GDF11: variants seen among roughly 807,000 people sequenced by gnomAD.
GDF11 encodes the protein growth differentiation factor 11.
Under a neutral mutation model 34.4 loss-of-function variants are expected in GDF11, and 12 were observed. The ratio of observed to expected loss-of-function variants is 0.35; its 90% CI spans 0.22 to 0.57. The LOEUF (loss-of-function observed/expected upper bound fraction) is 0.57. Among genes scored for constraint, GDF11 ranks in the 20% least tolerant of loss-of-function variants. GDF11 has a pLI of 0.86. For synonymous variants in GDF11, 212 were observed against 231.1 expected (o/e 0.92, Z 0.75); for missense variants, 346 against 548.2 (o/e 0.63, Z 3.68).
chr12:55,743,934 T>TG (rs940347612), intron 1 of GDF11, among the ~76,000 whole-genome samples, 173 bp downstream of exon 1: 13 of 152,154 alleles, frequency 8.5e-5, no homozygotes, highest in African/African-American at 2.9e-4. Flanking sequence ...GCGGTGGAGA[T>TG]GGGCTGCAAA....
Position 55,743,445 on chromosome 12 carries a change from CG to C in GDF11, c.136del (p.Glu46SerfsTer31), listed in dbSNP as rs1412840296. The C allele has an allele frequency of 3.3e-5, 40 of 1,211,978 alleles. No individual in the cohort carries two copies. Among genetic ancestry groups the C allele is most frequent in the East Asian group, 6.8e-5 (2 of 29,322 alleles). 75.1% of individuals were successfully genotyped at this position (1,211,978 alleles called of 1,614,324 possible). On this transcript the variant is annotated frameshift_variant, in exon 1 of 3. Transcript: ENST00000257868. LOFTEE classifies it high-confidence loss of function. ...AAAAAAAAGV[G>X]GERSSRPAPS... Reference sequence around the variant, plus strand: ...CGGCGGCGGCGGCAGCGGCGGGGGTCGGGGGGGAGCGCTCCAGCCGGCCAGC... The same window carrying C: ...CGGCGGCGGCGGCAGCGGCGGGGGTCGGGGGGAGCGCTCCAGCCGGCCAGC...
At position 55,749,128 on chromosome 12, in the gene GDF11, G is replaced by A. The variant is rs917290292; in HGVS notation, c.843+145G>A. The A allele has an allele frequency of 7.3e-6, 6 of 824,894 alleles. No individual in the cohort carries two copies. Among genetic ancestry groups the A allele is most frequent in the African/African-American group, 6.9e-5 (4 of 58,030 alleles). 51.1% of individuals were successfully genotyped at this position (824,894 alleles called of 1,614,324 possible). ...GTCAGCAGCTGATTCTAGAGGAGGAGGTGAGGAGTGGGGTGGCAACTATTA... is the reference window on the plus strand; with the variant it reads ...GTCAGCAGCTGATTCTAGAGGAGGAAGTGAGGAGTGGGGTGGCAACTATTA... On this transcript the variant is annotated intron_variant, in intron 2 of 2. Coordinates refer to ENST00000257868, the MANE Select transcript of GDF11 (RefSeq NM_005811.5). This position sits in a 1 kb window ranked among gnomAD's most constrained non-coding sequence, Gnocchi z 5.6.
rs76805779 is a variant in GDF11 at position 55,754,766 on chromosome 12, C to G, written c.*4884C>G. 1.3e-5 allele frequency: 2 copies of G among 152,338 alleles called. No individual in the cohort carries two copies. Among genetic ancestry groups the G allele is most frequent in the African/African-American group, 4.8e-5 (2 of 41,576 alleles). The allele number at this position is 152,338 out of a possible 1,614,324, so 9.4% of individuals were successfully genotyped here. A position where few individuals can be genotyped will look rare whatever the true frequency, so the allele number is the denominator to read the frequency against. On this transcript the variant is annotated 3_prime_UTR_variant, in exon 3 of 3. Transcript: ENST00000257868. ...ATATGAGAATATCACTTAATTCACACAGCAACCTTCACAATGGGGTTCCTT... is the reference window on the plus strand; with the variant it reads ...ATATGAGAATATCACTTAATTCACAGAGCAACCTTCACAATGGGGTTCCTT...
rs1383438521 is a variant in GDF11, at chr12:55,754,738, A to C, written c.*4856A>C. The C allele has an allele frequency of 6.6e-6, 1 of 152,274 alleles. No homozygotes were observed. The highest frequency in any genetic ancestry group is 1.9e-4 in the East Asian group (1 of 5,206). The allele number at this position is 152,274 out of a possible 1,614,324, so 9.4% of individuals were successfully genotyped here. A position where few individuals can be genotyped will look rare whatever the true frequency, so the allele number is the denominator to read the frequency against. On this transcript the variant is annotated 3_prime_UTR_variant, in exon 3 of 3. Transcript: ENST00000257868. ...GGTAAGCAAATTGTAGTGTGAATAC[A>C]TGATATGAGAATATCACTTAATTCA... is the stretch of plus-strand genomic sequence containing the variant.
rs548916582 is a variant in GDF11 at position 55,748,340 on chromosome 12, G to T, written c.446-246G>T. Among the ~76,000 whole-genome samples, 46 of 152,210 alleles carry T rather than the reference G, an allele frequency of 3.0e-4. 1 individual carries two copies. Among genetic ancestry groups the T allele is most frequent in the Non-Finnish European group, 5.0e-4 (34 of 68,040 alleles). ...ATTTTGCAGGTTATCTGGTAGACAG[G>T]AACCTATATATTAGGGCAAATGGAT... On this transcript the variant is annotated intron_variant, in intron 1 of 2. Coordinates refer to ENST00000257868, the MANE Select transcript of GDF11 (RefSeq NM_005811.5). This position sits in a 1 kb window ranked among gnomAD's most constrained non-coding sequence, Gnocchi z 5.6.
intron 1 of GDF11, among the ~76,000 whole-genome samples, chr12:55,746,069 C>T (rs1383528357): frequency 6.6e-6 from 1 of 152,142 alleles, no homozygotes; most frequent in Non-Finnish European, 1.5e-5. Context: ...CTCTCTCTCC[C>T]ACCAGCGCCG....
rs942264090 is a variant in GDF11, at chr12:55,756,601, T to C, written c.*6719T>C. 2 of 152,208 alleles carry C rather than the reference T, an allele frequency of 1.3e-5. No homozygotes were observed. Among genetic ancestry groups the C allele is most frequent in the African/African-American group, 2.4e-5 (1 of 41,454 alleles). 9.4% of individuals were successfully genotyped at this position (152,208 alleles called of 1,614,324 possible). ...ATAGCTCAAACAAAAACCGAGCTTATATAAAGATTAAGAGGAGAAATTCTG... is the reference window on the plus strand; with the variant it reads ...ATAGCTCAAACAAAAACCGAGCTTACATAAAGATTAAGAGGAGAAATTCTG... On this transcript the variant is annotated 3_prime_UTR_variant, in exon 3 of 3. Transcript: ENST00000257868.
At position 55,749,278 on chromosome 12, in the gene GDF11, G is replaced by A. The variant is rs1041791498; in HGVS notation, c.844-224G>A. Among the ~76,000 whole-genome samples, 3 of 152,180 alleles carry A rather than the reference G, an allele frequency of 2.0e-5. No individual in the cohort carries two copies. Among genetic ancestry groups the A allele is most frequent in the Non-Finnish European group, 4.4e-5 (3 of 68,024 alleles). ...AGGCGTTGGGCCAAGGGGCTGACAG[G>A]GATCAGGTTGCCAGAAGAGTAAGAA... On this transcript the variant is annotated intron_variant, in intron 2 of 2. Transcript: ENST00000257868. The surrounding 1 kb of genome is among the most constrained non-coding windows in gnomAD (Gnocchi z 5.6).
At position 55,748,755 on chromosome 12, in the gene GDF11, G is replaced by A. The variant is rs35185121; in HGVS notation, c.615G>A (p.Gly205=). 1.2e-3 allele frequency: 1,960 copies of A among 1,614,266 alleles called. 8 individuals are homozygous for A. Among genetic ancestry groups the A allele is most frequent in the Non-Finnish European group, 9.6e-4 (1,131 of 1,180,054 alleles). The change falls in exon 2 of 3, where the codon GGG becomes GGA. Residue 205 remains glycine (G), a synonymous_variant. Transcript: ENST00000257868. The surrounding 1 kb of genome is among the most constrained non-coding windows in gnomAD (Gnocchi z 5.6). Reference sequence around the variant, plus strand: ...TCTTGCGACTAAAACCCCTAACTGGGGAAGGGACCGCAGGGGGAGGGGGCG... The same window carrying A: ...TCTTGCGACTAAAACCCCTAACTGGAGAAGGGACCGCAGGGGGAGGGGGCG... ...LQILRLKPLT[G]EGTAGGGGGG...
In GDF11 at chr12:55,748,267, C is replaced by CT. The variant is rs896089981; in HGVS notation, c.446-317dup. On this transcript the variant is annotated intron_variant, in intron 1 of 2. Coordinates refer to ENST00000257868, the MANE Select transcript of GDF11 (RefSeq NM_005811.5). This position sits in a 1 kb window ranked among gnomAD's most constrained non-coding sequence, Gnocchi z 5.6. ...TCAAAGATTCAGAAAATGTTGGAGC[C>CT]TTATATGCTGGGAAAAGTTGGACAG... is the stretch of plus-strand genomic sequence containing the variant. Among the ~76,000 whole-genome samples, 9 of 152,198 alleles carry CT rather than the reference C, an allele frequency of 5.9e-5. No individual in the cohort carries two copies. The highest frequency in any genetic ancestry group is 5.9e-4 in the Admixed American group (9 of 15,290).
In GDF11 at chr12:55,748,264, A is replaced by T. The variant is rs551824069; in HGVS notation, c.446-322A>T. 6.6e-6 allele frequency among the ~76,000 whole-genome samples: 1 copy of T among 152,190 alleles called. No homozygotes were observed. The highest frequency in any genetic ancestry group is 1.5e-5 in the Non-Finnish European group (1 of 68,030). ...GCTTCAAAGATTCAGAAAATGTTGG[A>T]GCCTTATATGCTGGGAAAAGTTGGA... On this transcript the variant is annotated intron_variant, in intron 1 of 2. Coordinates refer to ENST00000257868, the MANE Select transcript of GDF11 (RefSeq NM_005811.5). This position sits in a 1 kb window ranked among gnomAD's most constrained non-coding sequence, Gnocchi z 5.6.
In GDF11 at chr12:55,748,113, CATCT is replaced by C. The variant is rs1878222049; in HGVS notation, c.446-472_446-469del. Among the ~76,000 whole-genome samples the C allele has an allele frequency of 1.3e-5, 2 of 152,202 alleles. No individual in the cohort carries two copies. The highest frequency in any genetic ancestry group is 2.9e-5 in the Non-Finnish European group (2 of 68,036). ...CCCTGGGTTATCCCCTCTCTGAGGC[CATCT>C]GTGTTATTTTGTGGGGGAGGGATGT... is the stretch of plus-strand genomic sequence containing the variant. On this transcript the variant is annotated intron_variant, in intron 1 of 2. Transcript: ENST00000257868. The surrounding 1 kb of genome is among the most constrained non-coding windows in gnomAD (Gnocchi z 5.6).
At chr12:55,743,908 C>A in intron 1 of GDF11, 147 bp downstream of exon 1, 1 of 645,300 alleles carries the variant, frequency 1.5e-6, no homozygotes, top group South Asian at 2.1e-5. Context: ...GGGGCTACTT[C>A]ATAGAAGTTT....
rs1184704298 is a variant in GDF11, at chr12:55,756,562, T to C, written c.*6680T>C. The C allele has an allele frequency of 6.6e-6, 1 of 152,126 alleles. No homozygotes were observed. Among genetic ancestry groups the C allele is most frequent in the East Asian group, 1.9e-4 (1 of 5,194 alleles). 9.4% of individuals were successfully genotyped at this position (152,126 alleles called of 1,614,324 possible). On this transcript the variant is annotated 3_prime_UTR_variant, in exon 3 of 3. Transcript: ENST00000257868. ...TCAGGTAAGGTGTCAGGCTCCTAAG[T>C]CTTATTACCAAAAATAGCTCAAACA...
At position 55,752,236 on chromosome 12, in the gene GDF11, C is replaced by T. The variant is rs1878344574; in HGVS notation, c.*2354C>T. 1 of 152,214 alleles carries T rather than the reference C, an allele frequency of 6.6e-6. No individual in the cohort carries two copies. The highest frequency in any genetic ancestry group is 1.5e-5 in the Non-Finnish European group (1 of 68,040). The allele number at this position is 152,214 out of a possible 1,614,324, so 9.4% of individuals were successfully genotyped here. Reference sequence around the variant, plus strand: ...CCTCCAAGGTCAAATGCCTCGTGATCTTGGCAGAGTAGGGATTGGGCAATA... The same window carrying T: ...CCTCCAAGGTCAAATGCCTCGTGATTTTGGCAGAGTAGGGATTGGGCAATA... On this transcript the variant is annotated 3_prime_UTR_variant, in exon 3 of 3. Coordinates refer to ENST00000257868, the MANE Select transcript of GDF11 (RefSeq NM_005811.5).
Position 55,749,856 on chromosome 12 carries a change from G to A in GDF11, c.1198G>A (p.Val400Met). Residue 400 changes from valine to methionine, a missense_variant, in exon 3 of 3, where the codon GTG becomes ATG. Physicochemically the swap from Val to Met is conservative, Grantham distance 21 (BLOSUM62 1). Transcript: ENST00000257868. This position sits in a 1 kb window ranked among gnomAD's most constrained non-coding sequence, Gnocchi z 5.6. ...TATCTACGGCAAGATCCCTGGCATG[G>A]TGGTGGATCGCTGTGGCTGCTCTTA... ...QIIYGKIPGM[V>M]VDRCGCS 1.2e-6 allele frequency: 2 copies of A among 1,613,858 alleles called. No homozygotes were observed. Among genetic ancestry groups the A allele is most frequent in the Non-Finnish European group, 1.7e-6 (2 of 1,179,826 alleles).
At position 55,749,329 on chromosome 12, in the gene GDF11, C is replaced by A. The variant is rs1176119902; in HGVS notation, c.844-173C>A. Among the ~76,000 whole-genome samples, 1 of 152,118 alleles carries A rather than the reference C, an allele frequency of 6.6e-6. No individual in the cohort carries two copies. The highest frequency in any genetic ancestry group is 2.4e-5 in the African/African-American group (1 of 41,404). ...TTAGAGATGGTGAGTTGAAGGAGAG[C>A]TAGCTAGCTGGCAAGAAAAGTGGGC... On this transcript the variant is annotated intron_variant, in intron 2 of 2. Transcript: ENST00000257868. The surrounding 1 kb of genome is among the most constrained non-coding windows in gnomAD (Gnocchi z 5.6).
In GDF11 at chr12:55,750,802, T is replaced by C. The variant is rs1878295502; in HGVS notation, c.*920T>C. The C allele has an allele frequency of 6.6e-6, 1 of 152,148 alleles. No individual in the cohort carries two copies. Among genetic ancestry groups the C allele is most frequent in the Admixed American group, 6.5e-5 (1 of 15,286 alleles). 9.4% of individuals were successfully genotyped at this position (152,148 alleles called of 1,614,324 possible). On this transcript the variant is annotated 3_prime_UTR_variant, in exon 3 of 3. Transcript: ENST00000257868. ...GAGAACCCTCAACATCCAGGATCTA[T>C]ATAATGAGAGCTACTTTAAACCCTC...
Position 55,748,973 on chromosome 12 carries a change from C to A in GDF11, c.833C>A (p.Ala278Asp). 6.3e-7 allele frequency: 1 copy of A among 1,597,316 alleles called. No homozygotes were observed. The highest frequency in any genetic ancestry group is 8.5e-7 in the Non-Finnish European group (1 of 1,178,528). The part of the protein sequence containing the change: ...DLAVTSLGPG[A>D]EGLHPFMELR... Reference sequence around the variant, plus strand: ...GCTGTCACCTCCCTGGGGCCGGGAGCCGAGGGGCTGGTGAGCAGGGGGCCT... The same window carrying A: ...GCTGTCACCTCCCTGGGGCCGGGAGACGAGGGGCTGGTGAGCAGGGGGCCT... The change falls in exon 2 of 3, where the codon GCC (alanine) becomes GAC (aspartate). Residue 278 changes from alanine to aspartate, a missense_variant. Physicochemically the swap from Ala to Asp is moderately radical, Grantham distance 126. This residue lies in a region of GDF11 where 205 missense variants were observed against 311.3 expected (regional missense o/e 0.66). Transcript: ENST00000257868. The surrounding 1 kb of genome is among the most constrained non-coding windows in gnomAD (Gnocchi z 5.6).
Sources: gnomAD v4.1 joint callset for allele counts (sites outside exome capture counted in the v4.1 genomes callset) on GRCh38, gnomAD v4.1.1 for gene constraint, gnomAD v4.1.1 regional missense constraint, Gnocchi (gnomAD v3.1) non-coding constraint, MANE v1.5 for transcripts, NCBI Gene and HGNC (gene_info 2026-07-23, HGNC 2026-07-21) for gene names.